Variants in RIMS2 observed in about 807,000 individuals in gnomAD.
The protein encoded by RIMS2 is regulating synaptic membrane exocytosis protein 2.
RIMS2 carries 59 observed loss-of-function variants against 174.4 expected under a neutral mutation model. The observed-to-expected ratio is 0.34, with a 90% CI of 0.27 to 0.42. The LOEUF (loss-of-function observed/expected upper bound fraction) is 0.42. Among genes scored for constraint, RIMS2 ranks in the 10% least tolerant of loss-of-function variants. RIMS2 has a pLI of 1.00. For synonymous variants in RIMS2, 606 were observed against 572.5 expected (o/e 1.06, Z -0.84); for missense variants, 1,620 against 1,666.3 (o/e 0.97, Z 0.48).
chr8:104,050,295 G>A (rs1057463064), intron 19 of RIMS2, among the ~76,000 whole-genome samples: 1 of 152,058 alleles, frequency 6.6e-6, no homozygotes, highest in African/African-American at 2.4e-5. Context: ...CAGTGACATA[G>A]ACATACAAGA....
intron 4 of RIMS2, among the ~76,000 whole-genome samples, chr8:103,888,163 A>G (rs2099217449): frequency 6.6e-6 from 1 of 151,528 alleles, no homozygotes; most frequent in Non-Finnish European, 1.5e-5. Flanking sequence ...ATTAAAACTA[A>G]TAAATGATAA....
chr8:104,096,053 T>C (rs1007602440), intron 19 of RIMS2, among the ~76,000 whole-genome samples: 1 of 152,200 alleles, frequency 6.6e-6, no homozygotes, highest in Non-Finnish European at 1.5e-5. Flanking sequence ...TATTTAACTT[T>C]TGATAATTAC....
intron 2 of RIMS2, among the ~76,000 whole-genome samples, chr8:103,708,174 C>T (rs1325425789): frequency 6.6e-6 from 1 of 152,166 alleles, no homozygotes; most frequent in East Asian, 1.9e-4. Context: ...GTTGCTATGG[C>T]CTGGATGCCA....
chr8:104,051,666 A>ATG (rs1054899764), intron 19 of RIMS2, among the ~76,000 whole-genome samples: 1 of 152,128 alleles, frequency 6.6e-6, no homozygotes. Context: ...GACTCTTTGC[A>ATG]TGTGTGTGTG....
rs142339082 is a variant in RIMS2, at chr8:103,914,215, A to G, written c.1813-1280A>G. ...CCAGGGTTTCAAGTCCAGCCTGAGC[A>G]AAATAGTGAGACCCTTTGTCTTAAA... On this transcript the variant is annotated intron_variant, in intron 6 of 23. Transcript: ENST00000504942. 3.6e-3 allele frequency among the ~76,000 whole-genome samples: 554 copies of G among 152,288 alleles called. 5 individuals carry two copies. Among genetic ancestry groups the G allele is most frequent in the African/African-American group, 0.012 (519 of 41,566 alleles).
At chr8:103,567,208 A>G (rs1160128116) in intron 1 of RIMS2, among the ~76,000 whole-genome samples, 1 of 152,176 alleles carries the variant, frequency 6.6e-6, no homozygotes, top group Non-Finnish European at 1.5e-5. Flanking sequence ...ATTTTACCGT[A>G]TGGCATTTGG....
intron 16 of RIMS2, among the ~76,000 whole-genome samples, chr8:103,987,152 AT>A (rs1298896127): frequency 6.6e-6 from 1 of 152,012 alleles, no homozygotes; most frequent in Non-Finnish European, 1.5e-5. Flanking sequence ...ATATATATGT[AT>A]TCCTTTTTCA....
chr8:103,704,786 C>G (rs976746932), intron 2 of RIMS2, among the ~76,000 whole-genome samples: 3 of 151,862 alleles, frequency 2.0e-5, no homozygotes, highest in Non-Finnish European at 4.4e-5. Flanking sequence ...TCTAATGATC[C>G]TTTGTATTTT....
In RIMS2 at chr8:103,842,182, ACT is replaced by A. The variant is rs576947518; in HGVS notation, c.699-43112_699-43111del. Among the ~76,000 whole-genome samples the A allele has an allele frequency of 3.3e-5, 5 of 151,896 alleles. No homozygotes were observed. The South Asian group carries it at 1.0e-3, about 32-fold the overall frequency. ...AGAGCAAAATCCTGGTTTTCTATTG[ACT>A]CTCCTTATAATTTCAGTTATTTTAT... On this transcript the variant is annotated intron_variant, in intron 3 of 23. Coordinates refer to ENST00000504942, the Ensembl canonical transcript of RIMS2.
chr8:103,903,225 A>T (rs1415200021), intron 4 of RIMS2, among the ~76,000 whole-genome samples: 2 of 152,060 alleles, frequency 1.3e-5, no homozygotes, highest in Non-Finnish European at 2.9e-5. Flanking sequence ...GAGGCCCATG[A>T]CTTGTACAAG....
intron 19 of RIMS2, among the ~76,000 whole-genome samples, chr8:104,080,411 T>C (rs1442251121): frequency 6.6e-6 from 1 of 152,078 alleles, no homozygotes; most frequent in Non-Finnish European, 1.5e-5. Flanking sequence ...GTTTCATTCA[T>C]TGATTGAGTA....
intron 1 of RIMS2, among the ~76,000 whole-genome samples, chr8:103,612,861 A>T (rs2095416897): frequency 6.6e-6 from 1 of 152,170 alleles, no homozygotes; most frequent in African/African-American, 2.4e-5. Context: ...GAGCCACTGC[A>T]CCTGGCCAAG....
intron 2 of RIMS2, among the ~76,000 whole-genome samples, chr8:103,697,560 CA>C (rs1013098651): frequency 2.1e-4 from 28 of 134,998 alleles, no homozygotes; most frequent in African/African-American, 7.6e-4. Flanking sequence ...AAAAAAAAAA[CA>C]AAAAAAACCC....
chr8:103,741,802 GA>G (rs1280271767), intron 2 of RIMS2, among the ~76,000 whole-genome samples: 3 of 151,914 alleles, frequency 2.0e-5, no homozygotes, highest in Non-Finnish European at 4.4e-5. Flanking sequence ...TGAGCTTATC[GA>G]AAATGTGAAA....
intron 19 of RIMS2, among the ~76,000 whole-genome samples, chr8:104,069,175 A>G (rs554664179): frequency 1.6e-4 from 24 of 152,320 alleles, no homozygotes; most frequent in Non-Finnish European, 3.2e-4. Flanking sequence ...ATAGGCTTTC[A>G]GTTAGATGAT....
At chr8:103,607,753 A>G (rs1161706213) in intron 1 of RIMS2, among the ~76,000 whole-genome samples, 5 of 134,600 alleles carry the variant, frequency 3.7e-5, no homozygotes, top group Admixed American at 7.2e-5. Flanking sequence ...CATTCATTTC[A>G]TCTTCCATTG....
chr8:103,550,693 A>C (rs1847373001), intron 1 of RIMS2, among the ~76,000 whole-genome samples: 1 of 152,182 alleles, frequency 6.6e-6, no homozygotes, highest in South Asian at 2.1e-4. Context: ...AGATCAACAA[A>C]ATTGATAGAC....
At chr8:103,768,500 C>G in intron 3 of RIMS2, 11 of 991,256 alleles carry the variant, frequency 1.1e-5, no homozygotes, top group Middle Eastern at 2.1e-4. Context: ...TGGCCGTGTC[C>G]GCCTGCTAAT....
At chr8:104,155,661 C>A (rs1566734077) in intron 19 of RIMS2, among the ~76,000 whole-genome samples, 1 of 151,956 alleles carries the variant, frequency 6.6e-6, no homozygotes. Context: ...GATCCACCCG[C>A]CTCGGCCTCC....
Sources: gnomAD v4.1 joint callset for allele counts (sites outside exome capture counted in the v4.1 genomes callset) on GRCh38, gnomAD v4.1.1 for gene constraint, MANE v1.5 for transcripts, NCBI Gene and HGNC (gene_info 2026-07-23, HGNC 2026-07-21) for gene names.